Variants in LRRIQ1 observed in about 807,000 individuals in gnomAD.
LRRIQ1 encodes leucine rich repeats and IQ motif containing 1.
In LRRIQ1, 210 loss-of-function variants were observed where a neutral mutation model predicts 211.9. The observed-to-expected ratio is 0.99, with a 90% CI of 0.89 to 1.11. LRRIQ1 has a LOEUF of 1.11. Among genes scored for constraint, LRRIQ1 ranks in the 50% most tolerant of loss-of-function variants. The probability of loss-of-function intolerance (pLI) is 0.00; values close to 1 mark genes in which losing one functional copy is unlikely to be tolerated. For synonymous variants in LRRIQ1, 699 were observed against 650.1 expected (o/e 1.08, Z -1.14); for missense variants, 2,136 against 1,939.5 (o/e 1.10, Z -1.90).
intron 24 of LRRIQ1, among the ~76,000 whole-genome samples, chr12:85,185,957 TAA>T (rs770209386): frequency 2.0e-4 from 31 of 152,170 alleles, no homozygotes; most frequent in African/African-American, 6.5e-4. Context: ...TGAAATTGTT[TAA>T]GACTATTTTT....
intron 18 of LRRIQ1, among the ~76,000 whole-genome samples, chr12:85,133,881 A>T (rs749835761): frequency 2.0e-5 from 3 of 152,106 alleles, no homozygotes; most frequent in Non-Finnish European, 2.9e-5. Context: ...GTATCAGATA[A>T]ATCAGACTAT....
chr12:85,148,347 G>A (rs902117871), intron 19 of LRRIQ1, among the ~76,000 whole-genome samples: 5 of 151,720 alleles, frequency 3.3e-5, no homozygotes, highest in East Asian at 2.0e-4. Flanking sequence ...TCCCCTCCCT[G>A]TGTCCATATG....
intron 14 of LRRIQ1, among the ~76,000 whole-genome samples, chr12:85,106,304 G>T (rs1886780381): frequency 6.6e-6 from 1 of 152,082 alleles, no homozygotes; most frequent in Non-Finnish European, 1.5e-5. Context: ...AAGCAGATTT[G>T]CAAAAGTTCA....
At chr12:85,208,949 A>C (rs1453777389) in intron 24 of LRRIQ1, among the ~76,000 whole-genome samples, 1 of 152,168 alleles carries the variant, frequency 6.6e-6, no homozygotes, top group African/African-American at 2.4e-5. Context: ...TATATTAGCA[A>C]GCATTCTTGA....
At chr12:85,155,468 C>G (rs765076502) in intron 23 of LRRIQ1, among the ~76,000 whole-genome samples, 2 of 151,378 alleles carry the variant, frequency 1.3e-5, no homozygotes, top group Non-Finnish European at 3.0e-5. Context: ...TAGTGTAAAT[C>G]TGGTAGTGTA....
rs1881168963 is a variant in LRRIQ1, at chr12:85,056,924, A to G, written c.2131A>G (p.Ile711Val). 33 of 1,613,002 alleles carry G rather than the reference A, an allele frequency of 2.0e-5. No individual in the cohort carries two copies. Among genetic ancestry groups the G allele is most frequent in the Non-Finnish European group, 2.7e-5 (32 of 1,179,404 alleles). Residue 711 changes from isoleucine to valine, a missense_variant, in exon 8 of 27, where the codon ATT becomes GTT. Coordinates refer to ENST00000393217, the MANE Select transcript of LRRIQ1 (RefSeq NM_001079910.2). ...CTCTCTTAAATCTGAGATTAGAAAT[A>G]TTTCAGAAAAATGCCATGAAAATGC... is the stretch of plus-strand genomic sequence containing the variant. The part of the protein sequence containing the change: ...VNSLKSEIRN[I>V]SEKCHENAPE...
At chr12:85,038,359 AAT>A in intron 2 of LRRIQ1, 51 bp downstream of exon 2, 1 of 1,347,496 alleles carries the variant, frequency 7.4e-7, no homozygotes, top group Non-Finnish European at 9.7e-7. Flanking sequence ...TTTCAGGAGA[AAT>A]ATTACTTTTC....
intron 25 of LRRIQ1, among the ~76,000 whole-genome samples, chr12:85,232,428 A>G (rs184797795): frequency 4.2e-4 from 64 of 152,228 alleles, no homozygotes; most frequent in Non-Finnish European, 5.9e-4. Context: ...GTACTAATCA[A>G]TTGTGGCTCT....
rs1163995497 is a variant in LRRIQ1, at chr12:85,185,180, C to CA, written c.4822+24468dup. 3.9e-5 allele frequency among the ~76,000 whole-genome samples: 6 copies of CA among 151,938 alleles called. No homozygotes were observed. In the East Asian group the frequency reaches 1.2e-3, roughly 29 times the overall value. On this transcript the variant is annotated intron_variant, in intron 24 of 26. Coordinates refer to ENST00000393217, the MANE Select transcript of LRRIQ1 (RefSeq NM_001079910.2). ...TTACACATTTTTATTGATAATATAT[C>CA]AATTATACACTCGGAAAGATAGAAT...
intron 3 of LRRIQ1, among the ~76,000 whole-genome samples, chr12:85,041,503 G>T (rs190543964): frequency 6.6e-6 from 1 of 151,672 alleles, no homozygotes; most frequent in Admixed American, 6.6e-5. Context: ...ATGACTTAAT[G>T]AATGTAAAGC....
intron 11 of LRRIQ1, among the ~76,000 whole-genome samples, chr12:85,077,032 T>C (rs1055725859): frequency 2.0e-5 from 3 of 152,166 alleles, no homozygotes; most frequent in African/African-American, 7.2e-5. Flanking sequence ...TGAAGTACTT[T>C]TGCACTAAAA....
Position 85,250,924 on chromosome 12 carries a change from A to ATTATATATTATATATATT in LRRIQ1, c.121+6031_121+6032insTTTTATATATTATATATA, listed in dbSNP as rs1565928933. 1.2e-3 allele frequency among the ~76,000 whole-genome samples: 94 copies of ATTATATATTATATATATT among 79,580 alleles called. 4 individuals carry two copies. The East Asian group carries it at 0.025, about 21-fold the overall frequency. 52.2% of individuals were successfully genotyped at this position (79,580 alleles called of 152,430 possible). A position where few individuals can be genotyped will look rare whatever the true frequency, so the allele number is the denominator to read the frequency against. The stretch of plus-strand genomic sequence containing the variant: ...ATATTATATATAATATATTTTATAT[A>ATTATATATTATATATATT]TTATATATTATATATAATATATTTT... On this transcript the variant is annotated intron_variant, in intron 1 of 1. Coordinates refer to the LRRIQ1 transcript ENST00000602731.
intron 26 of LRRIQ1, among the ~76,000 whole-genome samples, chr12:85,238,264 T>C (rs1202781517): frequency 1.3e-5 from 2 of 152,030 alleles, no homozygotes; most frequent in Non-Finnish European, 2.9e-5. Context: ...TTGAGTGCTC[T>C]GTCAGATAAT....
chr12:85,098,279 G>GA (rs1002790261), intron 11 of LRRIQ1, 76 bp from the exon 12 acceptor site: 69 of 961,062 alleles, frequency 7.2e-5, no homozygotes, highest in African/African-American at 1.7e-4. Context: ...CAATTATTTA[G>GA]AAAAAAAATG....
chr12:85,127,973 A>G lies in LRRIQ1; in HGVS notation c.4149A>G (p.Gly1383=), dbSNP rs774542996. Residue 1383 remains glycine, a synonymous_variant, in exon 18 of 27, where the codon GGA becomes GGG. Coordinates refer to ENST00000393217, the MANE Select transcript of LRRIQ1 (RefSeq NM_001079910.2). Reference sequence around the variant, plus strand: ...AGAATCAGACTATTTTAAAGAAAGGAAAAAGAGAAAATATTGTGAATATCC... The same window carrying G: ...AGAATCAGACTATTTTAAAGAAAGGGAAAAGAGAAAATATTGTGAATATCC... ...SIKNQTILKK[G]KRENIVNIRK... The G allele has an allele frequency of 3.7e-6, 6 of 1,613,806 alleles. No homozygotes were observed. The South Asian group carries it at 4.4e-5, about 12-fold the overall frequency.
intron 24 of LRRIQ1, among the ~76,000 whole-genome samples, chr12:85,211,292 T>A (rs1349381003): frequency 6.6e-6 from 1 of 152,186 alleles, no homozygotes; most frequent in East Asian, 1.9e-4. Context: ...TTTTTAAGCA[T>A]ATGTATATTT....
At chr12:85,061,251 A>G (rs1881764026) in intron 8 of LRRIQ1, among the ~76,000 whole-genome samples, 1 of 151,748 alleles carries the variant, frequency 6.6e-6, no homozygotes, top group African/African-American at 2.4e-5. Context: ...ATTGACCTTA[A>G]TTTCGAAGCA....
chr12:85,192,883 A>AAT (rs1211573928), intron 24 of LRRIQ1, among the ~76,000 whole-genome samples: 5 of 100,318 alleles, frequency 5.0e-5, no homozygotes, highest in African/African-American at 1.2e-4. Context: ...ATTATACATA[A>AAT]ATATATAGTT....
In LRRIQ1 at chr12:85,066,788, ATCTC is replaced by A. The variant is rs750779911; in HGVS notation, c.2587_2590del (p.Leu863ValfsTer10). 3 of 1,598,362 alleles carry A rather than the reference ATCTC, an allele frequency of 1.9e-6. No homozygotes were observed. The highest frequency in any genetic ancestry group is 2.6e-6 in the Non-Finnish European group (3 of 1,173,276). On this transcript the variant is annotated frameshift_variant, in exon 10 of 27. Transcript: ENST00000393217. LOFTEE classifies it high-confidence loss of function. ...GCTATTGAGTGTGAAAATTTGGAAAATCTCTGTGTTGTTCTTCTTAATAAAAATC... is the reference window on the plus strand; with the variant it reads ...GCTATTGAGTGTGAAAATTTGGAAAATGTGTTGTTCTTCTTAATAAAAATC...
Sources: allele counts gnomAD v4.1 joint callset (sites outside exome capture counted in the v4.1 genomes callset), GRCh38; gene constraint gnomAD v4.1.1; transcripts MANE v1.5; gene names NCBI Gene and HGNC (gene_info 2026-07-23, HGNC 2026-07-21).